ZNF304: variants seen among roughly 807,000 people sequenced by gnomAD.
ZNF304 encodes zinc finger protein 304, also known as KRAB-containing zinc finger protein.
In ZNF304, 7 loss-of-function variants were observed where a neutral mutation model predicts 7.8. The observed-to-expected ratio is 0.90, with a 90% CI of 0.51 to 1.69. ZNF304 has a LOEUF of 1.69. ZNF304 is among the 40% of genes most tolerant of loss of function. ZNF304 has a pLI of 0.00. For missense variants in ZNF304, 669 were observed against 804.8 expected (o/e 0.83, Z 2.04); for synonymous variants, 280 against 272.4 (o/e 1.03, Z -0.27).
Position 57,351,531 on chromosome 19 carries a change from C to G in ZNF304, c.-134C>G. On this transcript the variant is annotated 5_prime_UTR_variant, in exon 1 of 3. Transcript: ENST00000282286. This position sits in a 1 kb window ranked among gnomAD's most constrained non-coding sequence, Gnocchi z 4.1. ...CCTTGTCTCCCCCAGAAGCAGCCGCCTTAGTCTTGTGAGCGTTTTTACACC... is the reference window on the plus strand; with the variant it reads ...CCTTGTCTCCCCCAGAAGCAGCCGCGTTAGTCTTGTGAGCGTTTTTACACC... 8.8e-7 allele frequency: 1 copy of G among 1,133,682 alleles called. No homozygotes were observed. The highest frequency in any genetic ancestry group is 1.3e-5 in the South Asian group (1 of 78,316). The allele number at this position is 1,133,682 out of a possible 1,614,324, so 70.2% of individuals were successfully genotyped here.
In ZNF304 at chr19:57,356,183, C is replaced by A. The variant is rs181794434; in HGVS notation, c.314C>A (p.Ala105Asp). The A allele has an allele frequency of 6.2e-7, 1 of 1,614,232 alleles. No individual in the cohort carries two copies. The highest frequency in any genetic ancestry group is 8.5e-7 in the Non-Finnish European group (1 of 1,180,042). ...CTCTTGAAAGACATTTTGCACCTGG[C>A]TGAACACCAGGGATCACACCTTACA... ...DPLLKDILHL[A>D]EHQGSHLTQK... is the part of the protein sequence containing the mutation. The change falls in exon 3 of 3, where the codon GCT (alanine) becomes GAT (aspartate). Residue 105 changes from alanine (A) to aspartate (D), a missense_variant. By Grantham distance (126) the Ala-to-Asp change is moderately radical. Coordinates refer to ENST00000282286, the MANE Select transcript of ZNF304 (RefSeq NM_020657.4).
intron 2 of ZNF304, 58 bp from the exon 3 acceptor site, chr19:57,355,972 G>T (rs2088329920): frequency 6.5e-7 from 1 of 1,546,828 alleles, no homozygotes; most frequent in African/African-American, 1.4e-5. Flanking sequence ...ATTTGTGATG[G>T]GGCTGCTGCC....
Position 57,359,552 on chromosome 19 carries a change from A to G in ZNF304, c.*1703A>G, listed in dbSNP as rs1024296926. The stretch of plus-strand genomic sequence containing the variant: ...GAAACCACCACAGTCAAGATATCCA[A>G]CACAACAAAAGATTGTCCCTTTATA... On this transcript the variant is annotated 3_prime_UTR_variant, in exon 3 of 3. Transcript: ENST00000282286. The G allele has an allele frequency of 6.6e-6, 1 of 152,236 alleles. No individual in the cohort carries two copies. The highest frequency in any genetic ancestry group is 2.4e-5 in the African/African-American group (1 of 41,452). The allele number at this position is 152,236 out of a possible 1,614,324, so 9.4% of individuals were successfully genotyped here.
Position 57,357,615 on chromosome 19 carries a change from T to C in ZNF304, c.1746T>C (p.Thr582=). Residue 582 remains threonine, a synonymous_variant, in exon 3 of 3, where the codon ACT becomes ACC. Coordinates refer to ENST00000282286, the MANE Select transcript of ZNF304 (RefSeq NM_020657.4). Reference sequence around the variant, plus strand: ...TTGTTCAACACAAGAAAGTTCACACTGGAGCAAGACCTTATGAGTGCAGTG... The same window carrying C: ...TTGTTCAACACAAGAAAGTTCACACCGGAGCAAGACCTTATGAGTGCAGTG... ...SHLVQHKKVH[T]GARPYECSEC... is the part of the protein sequence containing the mutation. The C allele has an allele frequency of 6.2e-7, 1 of 1,614,228 alleles. No individual in the cohort carries two copies. Among genetic ancestry groups the C allele is most frequent in the Non-Finnish European group, 8.5e-7 (1 of 1,180,042 alleles).
intron 2 of ZNF304, chr19:57,355,382 A>G (rs1467631193): frequency 1.3e-6 from 1 of 765,124 alleles, no homozygotes; most frequent in Non-Finnish European, 2.4e-6. Flanking sequence ...TACAGAGGGC[A>G]TGGCCCTGCT....
At position 57,351,801 on chromosome 19, in the gene ZNF304, G is replaced by A. The variant is rs1013114396; in HGVS notation, c.33+104G>A. 3.8e-6 allele frequency: 5 copies of A among 1,316,192 alleles called. No homozygotes were observed. The highest frequency in any genetic ancestry group is 5.2e-6 in the Non-Finnish European group (5 of 952,790). 81.5% of individuals were successfully genotyped at this position (1,316,192 alleles called of 1,614,324 possible). ...GGTGCTCACTCCGTCGCATTATGTG[G>A]AGGGGTTCCGCTCCCCTCATCAGTG... On this transcript the variant is annotated intron_variant, in intron 1 of 2. Transcript: ENST00000282286. This position sits in a 1 kb window ranked among gnomAD's most constrained non-coding sequence, Gnocchi z 4.1.
rs1052195363 is a variant in ZNF304 at position 57,358,138 on chromosome 19, A to G, written c.*289A>G. 2.8e-6 allele frequency: 1 copy of G among 355,770 alleles called. No homozygotes were observed. Among genetic ancestry groups the G allele is most frequent in the African/African-American group, 2.1e-5 (1 of 47,960 alleles). 22.0% of individuals were successfully genotyped at this position (355,770 alleles called of 1,614,324 possible). Reference sequence around the variant, plus strand: ...TGGCGGAAGCCATCTTATTGCTACCAGCTGTGTGTGTCAATCACTCCATTT... The same window carrying G: ...TGGCGGAAGCCATCTTATTGCTACCGGCTGTGTGTGTCAATCACTCCATTT... On this transcript the variant is annotated 3_prime_UTR_variant, in exon 3 of 3. Transcript: ENST00000282286.
Position 57,351,552 on chromosome 19 carries a change from A to G in ZNF304, c.-113A>G. 1 of 1,360,504 alleles carries G rather than the reference A, an allele frequency of 7.4e-7. No individual in the cohort carries two copies. The highest frequency in any genetic ancestry group is 1.0e-6 in the Non-Finnish European group (1 of 963,616). The allele number at this position is 1,360,504 out of a possible 1,614,324, so 84.3% of individuals were successfully genotyped here. A position where few individuals can be genotyped will look rare whatever the true frequency, so the allele number is the denominator to read the frequency against. On this transcript the variant is annotated 5_prime_UTR_variant, in exon 1 of 3. Coordinates refer to ENST00000282286, the MANE Select transcript of ZNF304 (RefSeq NM_020657.4). This position sits in a 1 kb window ranked among gnomAD's most constrained non-coding sequence, Gnocchi z 4.1. ...CCGCCTTAGTCTTGTGAGCGTTTTT[A>G]CACCGGGTAGATTGAGACTTGGAGT...
In ZNF304 at chr19:57,359,749, A is replaced by G. The variant is rs184871031; in HGVS notation, c.*1900A>G. The G allele has an allele frequency of 6.6e-6, 1 of 152,296 alleles. No homozygotes were observed. Among genetic ancestry groups the G allele is most frequent in the Admixed American group, 6.5e-5 (1 of 15,294 alleles). 9.4% of individuals were successfully genotyped at this position (152,296 alleles called of 1,614,324 possible). ...ATCCATTATCTTGTTGCATGAATCA[A>G]TTGTTTGCTCATTTGTATTGCTGCG... is the stretch of plus-strand genomic sequence containing the variant. On this transcript the variant is annotated 3_prime_UTR_variant, in exon 3 of 3. Transcript: ENST00000282286.
At chr19:57,352,329 T>A (rs562884783) in intron 1 of ZNF304, among the ~76,000 whole-genome samples, 1 of 152,174 alleles carries the variant, frequency 6.6e-6, no homozygotes, top group Admixed American at 6.5e-5. Context: ...TGAATGGAGG[T>A]CATTTCTAGT....
At position 57,356,977 on chromosome 19, in the gene ZNF304, A is replaced by T. The variant is rs1161074273; in HGVS notation, c.1108A>T (p.Lys370Ter). 1.2e-6 allele frequency: 2 copies of T among 1,605,836 alleles called. No homozygotes were observed. The highest frequency in any genetic ancestry group is 3.3e-5 in the Admixed American group (2 of 59,810). Residue 370 changes from lysine to a stop codon, truncating the protein, a stop_gained, in exon 3 of 3, where the codon AAA becomes TAA. Transcript: ENST00000282286. LOFTEE classifies it low-confidence loss of function (END_TRUNC). Reference sequence around the variant, plus strand: ...GCCTTATAAGTGCAACAAATGTGGGAAAGCCTTTAGCCGTAAAGACACACT... The same window carrying T: ...GCCTTATAAGTGCAACAAATGTGGGTAAGCCTTTAGCCGTAAAGACACACT... ...ERPYKCNKCG[K>*]AFSRKDTLVQ...
intron 2 of ZNF304, chr19:57,355,150 TGTG>T (rs1221537283): frequency 1.5e-6 from 1 of 684,238 alleles, no homozygotes; most frequent in African/African-American, 1.8e-5. Flanking sequence ...AGTCACTTCT[TGTG>T]GTGATTACAG....
chr19:57,355,621 T>C (rs1207878531), intron 2 of ZNF304, among the ~76,000 whole-genome samples: 4 of 152,222 alleles, frequency 2.6e-5, no homozygotes, highest in African/African-American at 4.8e-5. Context: ...TCTTCAACAC[T>C]AGCTTACTTT....
At chr19:57,355,392 T>C in intron 2 of ZNF304, 1 of 764,524 alleles carries the variant, frequency 1.3e-6, no homozygotes, top group Non-Finnish European at 2.4e-6. Context: ...ATGGCCCTGC[T>C]GAATGGGAGC....
At chr19:57,352,582 AGTC>A (rs1366326308) in intron 1 of ZNF304, 7 of 152,138 alleles carry the variant, frequency 4.6e-5, no homozygotes, top group African/African-American at 1.7e-4. Context: ...GTGTGGTAAA[AGTC>A]GTGGGAGATT....
chr19:57,359,605 C>G lies in ZNF304; in HGVS notation c.*1756C>G, dbSNP rs1168249097. ...CCTCAATTTTTCCTTATCTTGTTTTCCACAATTCACAAGCAACAGCAAGCA... is the reference window on the plus strand; with the variant it reads ...CCTCAATTTTTCCTTATCTTGTTTTGCACAATTCACAAGCAACAGCAAGCA... On this transcript the variant is annotated 3_prime_UTR_variant, in exon 3 of 3. Coordinates refer to ENST00000282286, the MANE Select transcript of ZNF304 (RefSeq NM_020657.4). 2 of 152,208 alleles carry G rather than the reference C, an allele frequency of 1.3e-5. No homozygotes were observed. The highest frequency in any genetic ancestry group is 4.8e-5 in the African/African-American group (2 of 41,460). 9.4% of individuals were successfully genotyped at this position (152,208 alleles called of 1,614,324 possible). A position where few individuals can be genotyped will look rare whatever the true frequency, so the allele number is the denominator to read the frequency against.
At position 57,351,273 on chromosome 19, in the gene ZNF304, AT is replaced by A. The variant is rs1205848518; in HGVS notation, c.-387del. 6.3e-5 allele frequency: 14 copies of A among 222,772 alleles called. 1 individual carries two copies. In the Middle Eastern group the frequency reaches 4.8e-3, roughly 76 times the overall value. 13.8% of individuals were successfully genotyped at this position (222,772 alleles called of 1,614,324 possible). ...ACTTCTGGCGTCGCCGTCGTGACGT[AT>A]TTTTCCTATGCCCGGTCCGTGCATT... On this transcript the variant is annotated 5_prime_UTR_variant, in exon 1 of 3. Coordinates refer to ENST00000282286, the MANE Select transcript of ZNF304 (RefSeq NM_020657.4). The surrounding 1 kb of genome is among the most constrained non-coding windows in gnomAD (Gnocchi z 4.1).
chr19:57,355,918 G>A lies in ZNF304; in HGVS notation c.161-112G>A, dbSNP rs2088329292. The A allele has an allele frequency of 2.4e-6, 3 of 1,244,812 alleles. No homozygotes were observed. In the South Asian group the frequency reaches 4.4e-5, roughly 18 times the overall value. 77.1% of individuals were successfully genotyped at this position (1,244,812 alleles called of 1,614,324 possible). On this transcript the variant is annotated intron_variant, in intron 2 of 2. Transcript: ENST00000282286. ...TCTTTACACTGATCCTGGCCCTCTT[G>A]TCCTGCCAACAAGCCAGTGGACTCG...
At chr19:57,352,014 C>A in intron 1 of ZNF304, 1 of 359,962 alleles carries the variant, frequency 2.8e-6, no homozygotes, top group Non-Finnish European at 5.1e-6. Flanking sequence ...TGCTGGGAGT[C>A]ATGCAAGGTT....
Sources: gnomAD v4.1 joint callset for allele counts (sites outside exome capture counted in the v4.1 genomes callset) on GRCh38, gnomAD v4.1.1 for gene constraint, Gnocchi (gnomAD v3.1) non-coding constraint, MANE v1.5 for transcripts, NCBI Gene and HGNC (gene_info 2026-07-23, HGNC 2026-07-21) for gene names.